BRD10: variants seen among roughly 807,000 people sequenced by gnomAD.
The protein encoded by BRD10 is uncharacterized bromodomain-containing protein 10.
chr9:5,982,398 T>A, the BRD10 span, among the ~76,000 whole-genome samples: 2 of 152,166 alleles, frequency 1.3e-5, no homozygotes, highest in African/African-American at 4.8e-5. Context: ...AAACTCGTGT[T>A]GAAATTTAAT....
the BRD10 span, among the ~76,000 whole-genome samples, chr9:6,004,786 T>C: frequency 1.3e-5 from 2 of 152,228 alleles, no homozygotes; most frequent in Non-Finnish European, 2.9e-5. Flanking sequence ...TATACCTTAG[T>C]TGCATTTCAA....
At chr9:5,904,809 C>T in the BRD10 span, among the ~76,000 whole-genome samples, 13 of 138,840 alleles carry the variant, frequency 9.4e-5, no homozygotes, top group Middle Eastern at 5.4e-3. Flanking sequence ...AGTCTCACTC[C>T]GTTGCCCAGG....
the BRD10 span, among the ~76,000 whole-genome samples, chr9:5,942,706 C>T: frequency 6.6e-6 from 1 of 152,216 alleles, no homozygotes; most frequent in Admixed American, 6.5e-5. Flanking sequence ...AGAATTTCTA[C>T]TTTTTGAAGG....
chr9:5,986,307 T>G, the BRD10 span, among the ~76,000 whole-genome samples: 1 of 152,180 alleles, frequency 6.6e-6, no homozygotes, highest in East Asian at 1.9e-4. Flanking sequence ...ATGATCTAAT[T>G]CCTTTTTATG....
chr9:5,980,610 T>A, the BRD10 span, among the ~76,000 whole-genome samples: 15 of 152,124 alleles, frequency 9.9e-5, no homozygotes, highest in Admixed American at 7.9e-4. Context: ...ATTTAAAGAT[T>A]GTAAAAAATT....
the BRD10 span, among the ~76,000 whole-genome samples, chr9:5,918,123 G>C: frequency 6.6e-6 from 1 of 152,178 alleles, no homozygotes; most frequent in Non-Finnish European, 1.5e-5. Flanking sequence ...AGAGTGACTT[G>C]AGTAGAGCAT....
the BRD10 span, chr9:5,919,817 G>A: frequency 1.8e-5 from 29 of 1,613,736 alleles, no homozygotes; most frequent in South Asian, 1.6e-4. Flanking sequence ...AGATGCTGGA[G>A]TATTTATGGT....
At chr9:5,901,921 A>C in the BRD10 span, among the ~76,000 whole-genome samples, 2 of 152,110 alleles carry the variant, frequency 1.3e-5, no homozygotes, top group Admixed American at 1.3e-4. Context: ...ACTTGCTAAT[A>C]TTTTGTTGAG....
chr9:5,914,903 T>C, the BRD10 span, among the ~76,000 whole-genome samples: 5 of 152,124 alleles, frequency 3.3e-5, no homozygotes, highest in African/African-American at 4.8e-5. Context: ...CATTTATATA[T>C]GCTATGAACT....
At chr9:5,940,608 G>A in the BRD10 span, among the ~76,000 whole-genome samples, 2 of 152,094 alleles carry the variant, frequency 1.3e-5, no homozygotes, top group African/African-American at 2.4e-5. Flanking sequence ...TAGTCACCTC[G>A]CTACTGCTGG....
the BRD10 span, among the ~76,000 whole-genome samples, chr9:5,898,465 A>G: frequency 6.6e-6 from 1 of 152,246 alleles, no homozygotes; most frequent in Admixed American, 6.5e-5. Flanking sequence ...TAAAAGTCCT[A>G]CCTCTTACCA....
the BRD10 span, among the ~76,000 whole-genome samples, chr9:5,905,487 C>A: frequency 6.6e-6 from 1 of 152,134 alleles, no homozygotes; most frequent in Non-Finnish European, 1.5e-5. Context: ...TTAAATCATG[C>A]CCTTCAAACC....
chr9:5,888,493 C>T, the BRD10 span, among the ~76,000 whole-genome samples: 1 of 152,192 alleles, frequency 6.6e-6, no homozygotes, highest in Non-Finnish European at 1.5e-5. Context: ...GGACAAAAAG[C>T]AAATTCAAGT....
the BRD10 span, chr9:6,008,227 C>T: frequency 6.1e-6 from 6 of 978,848 alleles, no homozygotes; most frequent in African/African-American, 5.2e-5. Flanking sequence ...GAGGGGGCCG[C>T]AGCGGCGGCT....
the BRD10 span, among the ~76,000 whole-genome samples, chr9:5,995,209 C>T: frequency 6.6e-6 from 1 of 152,178 alleles, no homozygotes; most frequent in Non-Finnish European, 1.5e-5. Flanking sequence ...CCAAATGCTA[C>T]CACTATTCAA....
At chr9:5,998,066 T>C in the BRD10 span, among the ~76,000 whole-genome samples, 2 of 152,148 alleles carry the variant, frequency 1.3e-5, no homozygotes, top group African/African-American at 4.8e-5. Flanking sequence ...TAGAGCAATT[T>C]GGTGGATGGT....
At chr9:5,924,428 A>G in the BRD10 span, among the ~76,000 whole-genome samples, 5 of 152,038 alleles carry the variant, frequency 3.3e-5, no homozygotes, top group Non-Finnish European at 7.4e-5. Context: ...CAGGGATGCA[A>G]CCACCATGCC....
the BRD10 span, chr9:5,929,174 T>G: frequency 1.4e-5 from 17 of 1,244,204 alleles, no homozygotes; most frequent in South Asian, 2.1e-4. Context: ...AAATAATGTT[T>G]AAAGTAAATC....
the BRD10 span, among the ~76,000 whole-genome samples, chr9:5,991,510 G>C: frequency 6.6e-6 from 1 of 152,026 alleles, no homozygotes; most frequent in Non-Finnish European, 1.5e-5. Flanking sequence ...ATCACCTGAC[G>C]TCAGGAGTTC....
Sources: allele counts gnomAD v4.1 joint callset (sites outside exome capture counted in the v4.1 genomes callset), GRCh38; gene constraint gnomAD v4.1.1; transcripts MANE v1.5; gene names NCBI Gene and HGNC (gene_info 2026-07-23, HGNC 2026-07-21).